The following SDHAF4 variants were observed in gnomAD, a reference collection of about 807,000 sequenced individuals.
The protein encoded by SDHAF4 is succinate dehydrogenase assembly factor 4, mitochondrial.
SDHAF4 carries 14 observed loss-of-function variants against 14.3 expected under a neutral mutation model. The observed-to-expected ratio is 0.98, with a 90% CI of 0.65 to 1.53. The LOEUF is 1.53. SDHAF4 is among the 40% of genes most tolerant of loss of function. SDHAF4 has a pLI of 0.00. For missense variants in SDHAF4, 141 were observed against 129.3 expected (o/e 1.09, Z -0.44); for synonymous variants, 63 against 47.3 (o/e 1.33, Z -1.36).
chr6:70,591,998 T>C (rs560870196), downstream of SDHAF4, among the ~76,000 whole-genome samples: 1 of 152,196 alleles, frequency 6.6e-6, no homozygotes, highest in Non-Finnish European at 1.5e-5. Flanking sequence ...TAAGCTGGCA[T>C]GTTAGCATCT....
intron 2 of SDHAF4, among the ~76,000 whole-genome samples, chr6:70,588,044 CTG>C (rs1368416143): frequency 1.3e-5 from 2 of 152,318 alleles, no homozygotes; most frequent in East Asian, 3.9e-4. Flanking sequence ...GGTCAGAAAA[CTG>C]TGGCATTAAG....
chr6:70,590,177 G>T (rs974102784), downstream of SDHAF4, among the ~76,000 whole-genome samples: 1 of 152,098 alleles, frequency 6.6e-6, no homozygotes, highest in African/African-American at 2.4e-5. Context: ...GGCAGAGGTT[G>T]TAGTGAGCCA....
chr6:70,575,549 A>C (rs1438552751), intron 1 of SDHAF4, among the ~76,000 whole-genome samples: 1 of 149,594 alleles, frequency 6.7e-6, no homozygotes, highest in Non-Finnish European at 1.5e-5. Context: ...GACTGTCTTC[A>C]GTTTATCATT....
At chr6:70,573,083 T>C (rs1314774618) in intron 1 of SDHAF4, among the ~76,000 whole-genome samples, 2 of 151,980 alleles carry the variant, frequency 1.3e-5, no homozygotes, top group Non-Finnish European at 2.9e-5. Context: ...CAAGCCATAC[T>C]CCCGCCTCAG....
intron 2 of SDHAF4, among the ~76,000 whole-genome samples, chr6:70,587,168 TCACACA>T (rs56012930): frequency 6.6e-5 from 9 of 135,552 alleles, no homozygotes; most frequent in South Asian, 2.4e-4. Context: ...TGAAACTCCA[TCACACA>T]CACACACACA....
chr6:70,569,205 C>T (rs1385354014), intron 1 of SDHAF4, among the ~76,000 whole-genome samples: 1 of 151,778 alleles, frequency 6.6e-6, no homozygotes, highest in East Asian at 1.9e-4. Flanking sequence ...ACCTCGTGAT[C>T]CGCCCGTCTC....
chr6:70,567,841 G>A (rs935869562), intron 1 of SDHAF4, among the ~76,000 whole-genome samples: 22 of 151,890 alleles, frequency 1.4e-4, no homozygotes, highest in Non-Finnish European at 3.1e-4. Flanking sequence ...GCCCGCCACC[G>A]TGCCTGACTA....
Position 70,588,842 on chromosome 6 carries a change from A to AATATATATATAT in SDHAF4, c.*121_*132dup, listed in dbSNP as rs70990317. On this transcript the variant is annotated 3_prime_UTR_variant, in exon 3 of 3. Transcript: ENST00000370474. ...TCGTGTAGTTTGTATAATGTGTTTAAATATATATATATATGATGGCTTTGG... is the reference window on the plus strand; with the variant it reads ...TCGTGTAGTTTGTATAATGTGTTTAAATATATATATATATATATATATATATGATGGCTTTGG... 1.7e-3 allele frequency: 582 copies of AATATATATATAT among 342,944 alleles called. 4 individuals are homozygous for AATATATATATAT. The highest frequency in any genetic ancestry group is 9.7e-3 in the African/African-American group (417 of 42,928). 21.2% of individuals were successfully genotyped at this position (342,944 alleles called of 1,614,324 possible).
At chr6:70,579,823 AT>A (rs1261102160) in intron 2 of SDHAF4, among the ~76,000 whole-genome samples, 1 of 152,200 alleles carries the variant, frequency 6.6e-6, no homozygotes, top group African/African-American at 2.4e-5. Flanking sequence ...ATAACAAAAT[AT>A]ATAAGTTGAG....
At chr6:70,576,010 CTACTGTTTAA>C (rs1482498390) in intron 1 of SDHAF4, among the ~76,000 whole-genome samples, 1 of 152,176 alleles carries the variant, frequency 6.6e-6, no homozygotes. Flanking sequence ...TGCTCAACAC[CTACTGTTTAA>C]TAGGCAGAAT....
chr6:70,586,976 C>G (rs1765208566), intron 2 of SDHAF4, among the ~76,000 whole-genome samples: 1 of 151,726 alleles, frequency 6.6e-6, no homozygotes, highest in African/African-American at 2.4e-5. Flanking sequence ...CAAGACCAGC[C>G]TGGTCAACAA....
chr6:70,578,636 G>A lies in SDHAF4; in HGVS notation c.65-778G>A, dbSNP rs2128534896. 2.0e-5 allele frequency among the ~76,000 whole-genome samples: 3 copies of A among 152,236 alleles called. No homozygotes were observed. The Middle Eastern group carries it at 0.01, about 518-fold the overall frequency. On this transcript the variant is annotated intron_variant, in intron 1 of 2. Transcript: ENST00000370474. ...TGTTGCAGTTGCTTTTGAGGACTTA[G>A]TCATAAATTATTTCCCAAGACCAAT...
rs1008812008 is a variant in SDHAF4, at chr6:70,588,982, C to G, written c.*258C>G. Reference sequence around the variant, plus strand: ...AGGCGTGGTGGCATGCACCTGTAATCCCAACTACTCTGGAGGCTGAGGCAG... The same window carrying G: ...AGGCGTGGTGGCATGCACCTGTAATGCCAACTACTCTGGAGGCTGAGGCAG... On this transcript the variant is annotated 3_prime_UTR_variant, in exon 3 of 3. Coordinates refer to ENST00000370474, the MANE Select transcript of SDHAF4 (RefSeq NM_145267.3). 1.2e-5 allele frequency: 2 copies of G among 171,310 alleles called. No individual in the cohort carries two copies. The highest frequency in any genetic ancestry group is 4.8e-5 in the African/African-American group (2 of 41,662). 10.6% of individuals were successfully genotyped at this position (171,310 alleles called of 1,614,324 possible). A position where few individuals can be genotyped will look rare whatever the true frequency, so the allele number is the denominator to read the frequency against.
At chr6:70,567,060 C>T (rs1802106769) in intron 1 of SDHAF4, 56 bp downstream of exon 1, 51 of 1,490,200 alleles carry the variant, frequency 3.4e-5, no homozygotes, top group Non-Finnish European at 3.9e-5. Flanking sequence ...GGCCCAGGCG[C>T]AGAGAGAAGC....
chr6:70,575,726 TGAGA>T (rs60738760), intron 1 of SDHAF4, among the ~76,000 whole-genome samples: 4 of 151,128 alleles, frequency 2.6e-5, no homozygotes, highest in East Asian at 3.9e-4. Context: ...TGTGTGTGTG[TGAGA>T]GAGAGAGAGT....
chr6:70,580,433 A>T (rs1454172918), intron 2 of SDHAF4, among the ~76,000 whole-genome samples: 1 of 152,238 alleles, frequency 6.6e-6, no homozygotes, highest in Non-Finnish European at 1.5e-5. Context: ...TCCTCAAAAA[A>T]TCAAACTTAG....
the SDHAF4 span, among the ~76,000 whole-genome samples, chr6:70,597,570 T>C: frequency 9.2e-5 from 14 of 152,214 alleles, no homozygotes; most frequent in Admixed American, 5.2e-4. Flanking sequence ...CTGAAGACTT[T>C]ATAAAGGATG....
At chr6:70,582,102 C>T (rs1304059339) in intron 2 of SDHAF4, among the ~76,000 whole-genome samples, 1 of 152,010 alleles carries the variant, frequency 6.6e-6, no homozygotes, top group Non-Finnish European at 1.5e-5. Flanking sequence ...GGCAGAGTCT[C>T]ACTCTGTCAC....
At chr6:70,597,742 T>G in the SDHAF4 span, among the ~76,000 whole-genome samples, 1 of 152,204 alleles carries the variant, frequency 6.6e-6, no homozygotes, top group Non-Finnish European at 1.5e-5. Context: ...AATTAAATAT[T>G]CATTTTATAA....
Sources: allele counts gnomAD v4.1 joint callset (sites outside exome capture counted in the v4.1 genomes callset), GRCh38; gene constraint gnomAD v4.1.1; transcripts MANE v1.5; gene names NCBI Gene and HGNC (gene_info 2026-07-23, HGNC 2026-07-21).